FRMPD4: variants seen among roughly 807,000 people sequenced by gnomAD.
The protein encoded by FRMPD4 is FERM and PDZ domain containing 4, also known as FERM and PDZ domain-containing protein 4.
In FRMPD4, 22 loss-of-function variants were observed where a neutral mutation model predicts 94.1. That is an observed-to-expected ratio of 0.23 (90% CI 0.17 to 0.33). FRMPD4 has a LOEUF of 0.33. Ranked by LOEUF, FRMPD4 falls within the 10% of genes least tolerant of loss-of-function variation. The probability of loss-of-function intolerance (pLI) is 1.00; values close to 1 mark genes in which losing one functional copy is unlikely to be tolerated. For missense variants in FRMPD4, 1,111 were observed against 1,339.9 expected, an observed-to-expected ratio of 0.83 and a Z score of 2.67; for synonymous variants, 631 against 548.6, an observed-to-expected ratio of 1.15 and a Z score of -2.10.
chrX:12,253,969 A>G (rs1036146351), intron 1 of FRMPD4, among the ~76,000 whole-genome samples: 1 of 110,900 alleles, frequency 9.0e-6, no homozygotes, highest in African/African-American at 3.3e-5. Context: ...CCAGGAAGAA[A>G]TAAGTCCAGA....
intron 1 of FRMPD4, among the ~76,000 whole-genome samples, chrX:11,844,288 C>T (rs1467946847): frequency 2.7e-5 from 3 of 110,744 alleles, no homozygotes; most frequent in Non-Finnish European, 5.7e-5. Context: ...TGAGCCATTG[C>T]ACCCGGCCTG....
At chrX:11,879,511 T>C (rs1407993566) in intron 3 of FRMPD4, among the ~76,000 whole-genome samples, 1 of 111,191 alleles carries the variant, frequency 9.0e-6, no homozygotes, top group Non-Finnish European at 1.9e-5. Flanking sequence ...TCTTGACTAT[T>C]ATAGCATCTA....
intron 1 of FRMPD4, among the ~76,000 whole-genome samples, chrX:12,463,691 TG>T (rs200201703): frequency 0.01 from 883 of 86,761 alleles, 59 homozygotes; most frequent in African/African-American, 0.04. Flanking sequence ...GTTTTTTTTT[TG>T]TTTTTGTTTT....
chrX:12,036,048 A>G (rs2054718850), intron 3 of FRMPD4, among the ~76,000 whole-genome samples: 1 of 112,304 alleles, frequency 8.9e-6, no homozygotes, highest in Non-Finnish European at 1.9e-5. Context: ...AGTACTTTAC[A>G]TGGATCATTT....
At chrX:12,345,048 T>C (rs891039596) in intron 1 of FRMPD4, among the ~76,000 whole-genome samples, 49 of 111,747 alleles carry the variant, frequency 4.4e-4, no homozygotes, top group African/African-American at 1.6e-3. Context: ...AGTGGGTAGA[T>C]GGATAATGGA....
intron 4 of FRMPD4, among the ~76,000 whole-genome samples, chrX:12,619,173 C>G (rs1321598322): frequency 8.9e-6 from 1 of 111,858 alleles, no homozygotes; most frequent in East Asian, 2.8e-4. Context: ...ATTATTCCTA[C>G]TAATCTAATT....
intron 15 of FRMPD4, 59 bp downstream of exon 15, chrX:12,717,192 C>T (rs2042107350): frequency 2.5e-6 from 2 of 792,995 alleles, no homozygotes; most frequent in Non-Finnish European, 3.6e-6. Context: ...TCCTTCCAAG[C>T]CATTTGCCCC....
At chrX:11,926,258 CAAAA>C (rs763084115) in intron 3 of FRMPD4, among the ~76,000 whole-genome samples, 1 of 30,712 alleles carries the variant, frequency 3.3e-5, no homozygotes, top group African/African-American at 1.6e-4. Flanking sequence ...GCTTACCAAC[CAAAA>C]AAAAAAAAAA....
At chrX:12,239,810 G>A (rs775419533) in intron 1 of FRMPD4, among the ~76,000 whole-genome samples, 6 of 111,871 alleles carry the variant, frequency 5.4e-5, no homozygotes, top group South Asian at 7.6e-4. Flanking sequence ...GCATCTTCTC[G>A]CTGTGTCCTC....
At chrX:12,002,062 C>T (rs1276824252) in intron 3 of FRMPD4, among the ~76,000 whole-genome samples, 7 of 111,781 alleles carry the variant, frequency 6.3e-5, no homozygotes, top group African/African-American at 1.6e-4. Context: ...CAGGTTTAGG[C>T]GGTTCCTTGG....
chrX:11,882,066 CTA>C (rs1361999396), intron 3 of FRMPD4, among the ~76,000 whole-genome samples: 2 of 111,608 alleles, frequency 1.8e-5, no homozygotes, highest in African/African-American at 6.5e-5. Flanking sequence ...CAACCATTTT[CTA>C]TGTGTGCCAA....
At position 12,454,935 on chromosome X, in the gene FRMPD4, G is replaced by A. The variant is rs899609637; in HGVS notation, c.42-43745G>A. Among the ~76,000 whole-genome samples the A allele has an allele frequency of 2.7e-5, 3 of 109,184 alleles. No homozygotes were observed. In the East Asian group the frequency reaches 8.6e-4, roughly 31 times the overall value. The allele number at this position is 109,184 out of a possible 115,157, so 94.8% of individuals were successfully genotyped here. A position where few individuals can be genotyped will look rare whatever the true frequency, so the allele number is the denominator to read the frequency against. ...ATCTCTCCAGGGTTGATGCAGGGCC[G>A]TAAATGGAAGTTTATTAAGTGAAAA... On this transcript the variant is annotated intron_variant, in intron 1 of 16. Coordinates refer to ENST00000675598, the MANE Select transcript of FRMPD4 (RefSeq NM_001368397.1).
At chrX:12,256,135 C>T (rs2054112165) in intron 1 of FRMPD4, among the ~76,000 whole-genome samples, 1 of 111,719 alleles carries the variant, frequency 9.0e-6, no homozygotes, top group South Asian at 3.8e-4. Context: ...TATAGGCATG[C>T]AATAAGTGAG....
At chrX:12,679,370 G>A (rs755020534) in intron 5 of FRMPD4, among the ~76,000 whole-genome samples, 1 of 111,784 alleles carries the variant, frequency 8.9e-6, no homozygotes, top group East Asian at 2.8e-4. Context: ...CATATGAGAG[G>A]GAGCACCAGG....
At chrX:12,396,860 A>G (rs1002874299) in intron 1 of FRMPD4, among the ~76,000 whole-genome samples, 20 of 112,033 alleles carry the variant, frequency 1.8e-4, no homozygotes, top group African/African-American at 5.8e-4. Context: ...GCTCATTGCA[A>G]TGCACATTCC....
At chrX:12,570,786 G>A (rs1298264404) in intron 2 of FRMPD4, among the ~76,000 whole-genome samples, 2 of 111,135 alleles carry the variant, frequency 1.8e-5, no homozygotes, top group African/African-American at 6.5e-5. Flanking sequence ...GCCACTAAGC[G>A]ACTTAGGGGC....
intron 1 of FRMPD4, among the ~76,000 whole-genome samples, chrX:12,339,656 G>A (rs1367351991): frequency 9.9e-6 from 1 of 101,437 alleles, no homozygotes; most frequent in East Asian, 3.0e-4. Context: ...TCCCTCTATT[G>A]CCCAGGCTGT....
At chrX:12,332,150 TTA>T (rs1491149291) in intron 1 of FRMPD4, among the ~76,000 whole-genome samples, 5 of 70,736 alleles carry the variant, frequency 7.1e-5, no homozygotes, top group Non-Finnish European at 1.4e-4. Context: ...AATTTATATT[TTA>T]TATATAATTT....
intron 3 of FRMPD4, among the ~76,000 whole-genome samples, chrX:12,030,228 G>GA (rs1476659118): frequency 4.5e-5 from 5 of 112,048 alleles, no homozygotes; most frequent in African/African-American, 1.6e-4. Context: ...AGGTTTTCTA[G>GA]AAAAGTTAGC....
Sources: allele counts gnomAD v4.1 joint callset (sites outside exome capture counted in the v4.1 genomes callset), GRCh38; gene constraint gnomAD v4.1.1; transcripts MANE v1.5; gene names NCBI Gene and HGNC (gene_info 2026-07-23, HGNC 2026-07-21).